KMT5B: variants seen among roughly 807,000 people sequenced by gnomAD.
KMT5B encodes the protein histone-lysine N-methyltransferase KMT5B.
A neutral mutation model predicts 83.2 loss-of-function variants in KMT5B; 10 were observed. That is an observed-to-expected ratio of 0.12 (90% CI 0.07 to 0.20). The LOEUF is 0.20. Ranked by LOEUF, KMT5B falls within the 10% of genes least tolerant of loss-of-function variation. KMT5B has a pLI of 1.00. For synonymous variants in KMT5B, 349 were observed against 388.8 expected (o/e 0.90, Z 1.20); for missense variants, 753 against 1,067.2 (o/e 0.71, Z 4.10).
chr11:68,190,222 G>A (rs897707537), intron 1 of KMT5B, 70 bp from the exon 2 acceptor site: 44 of 688,916 alleles, frequency 6.4e-5, no homozygotes, highest in Admixed American at 5.0e-4. Context: ...ATGCTAAACA[G>A]ACCCTTGAGA....
At chr11:68,180,349 G>A (rs189711002) in intron 3 of KMT5B, 149 bp from the exon 4 acceptor site, 89 of 1,024,442 alleles carry the variant, frequency 8.7e-5, no homozygotes, top group Middle Eastern at 3.2e-4. Flanking sequence ...ACAGGTGGGC[G>A]CGGCAGGATA....
At chr11:68,185,182 T>C (rs1278511385) in intron 3 of KMT5B, among the ~76,000 whole-genome samples, 1 of 152,184 alleles carries the variant, frequency 6.6e-6, no homozygotes, top group African/African-American at 2.4e-5. Context: ...TTGTCAGATT[T>C]TTCTTTTCGC....
chr11:68,213,476 CCT>C (rs1861266298), upstream of KMT5B: 1 of 149,328 alleles, frequency 6.7e-6, no homozygotes, highest in Non-Finnish European at 1.5e-5. Flanking sequence ...CGGGGCCTCA[CCT>C]CGCCTCGCGC....
rs766897263 is a variant in KMT5B at position 68,175,178 on chromosome 11, C to T, written c.383G>A (p.Arg128Lys). Residue 128 changes from arginine to lysine, a missense_variant, in exon 5 of 11, where the codon AGG (arginine) becomes AAG (lysine). By Grantham distance (26) the Arg-to-Lys change is conservative. This residue lies in a region of KMT5B where 71 missense variants were observed against 107.0 expected (regional missense o/e 0.66). Transcript: ENST00000304363. Reference sequence around the variant, plus strand: ...TTCTTCCTGCCTTCCTTTAATAGGCCTAAATCTGAAAGAAATCAAAAGAAT... The same window carrying T: ...TTCTTCCTGCCTTCCTTTAATAGGCTTAAATCTGAAAGAAATCAAAAGAAT... The part of the protein sequence containing the change: ...SFSHNNPVRF[R>K]PIKGRQEELK... 1.2e-6 allele frequency: 2 copies of T among 1,609,858 alleles called. No individual in the cohort carries two copies. Among genetic ancestry groups the T allele is most frequent in the South Asian group, 2.2e-5 (2 of 90,704 alleles).
At chr11:68,166,813 G>C (rs1855358405) in intron 10 of KMT5B, 169 bp downstream of exon 10, 1 of 1,441,240 alleles carries the variant, frequency 6.9e-7, no homozygotes, top group South Asian at 1.5e-5. Flanking sequence ...ATGGGATACA[G>C]ACTGTGCCTC....
chr11:68,188,054 T>G (rs1857613646), intron 2 of KMT5B, among the ~76,000 whole-genome samples: 1 of 149,880 alleles, frequency 6.7e-6, no homozygotes, highest in African/African-American at 2.5e-5. Context: ...AGATGGAGTC[T>G]CGCTCTGTCG....
chr11:68,181,052 T>G (rs1168355076), intron 3 of KMT5B, among the ~76,000 whole-genome samples: 2 of 151,722 alleles, frequency 1.3e-5, no homozygotes, highest in Admixed American at 6.6e-5. Context: ...CTCCAATCAT[T>G]AAACATCTAC....
intron 6 of KMT5B, among the ~76,000 whole-genome samples, chr11:68,173,445 T>G (rs1484477435): frequency 1.3e-5 from 2 of 152,184 alleles, no homozygotes; most frequent in Non-Finnish European, 2.9e-5. Flanking sequence ...CCCATAAAAC[T>G]AGGATCATTA....
At chr11:68,186,069 C>A in intron 2 of KMT5B, 141 bp from the exon 3 acceptor site, 1 of 744,878 alleles carries the variant, frequency 1.3e-6, no homozygotes, top group Non-Finnish European at 2.1e-6. Context: ...AATTTAATAA[C>A]CTTTGCATAA....
intron 1 of KMT5B, among the ~76,000 whole-genome samples, chr11:68,209,289 C>G (rs541335581): frequency 1.3e-5 from 2 of 152,280 alleles, no homozygotes; most frequent in Admixed American, 1.3e-4. Flanking sequence ...CCAGAGCTGC[C>G]AGGCACTGTT....
intron 2 of KMT5B, among the ~76,000 whole-genome samples, chr11:68,189,232 T>C (rs1057165713): frequency 1.3e-5 from 2 of 152,258 alleles, no homozygotes; most frequent in African/African-American, 4.8e-5. Context: ...TTTGGACATA[T>C]AGCTGCCTAG....
intron 10 of KMT5B, among the ~76,000 whole-genome samples, chr11:68,162,863 G>GA (rs1301304864): frequency 6.6e-5 from 10 of 151,764 alleles, no homozygotes; most frequent in Non-Finnish European, 1.5e-4. Context: ...CAAATCAAAG[G>GA]AAAAAAAAGA....
At chr11:68,164,698 A>G (rs1340788955) in intron 10 of KMT5B, 2 of 512,262 alleles carry the variant, frequency 3.9e-6, no homozygotes, top group Non-Finnish European at 7.8e-6. Flanking sequence ...GGGAATTTGA[A>G]TAAGCCAAGC....
chr11:68,208,986 A>G (rs1271734502), intron 1 of KMT5B, among the ~76,000 whole-genome samples: 1 of 152,174 alleles, frequency 6.6e-6, no homozygotes, highest in East Asian at 1.9e-4. Flanking sequence ...CCAAGGGGGA[A>G]AGTGAAGGGG....
intron 1 of KMT5B, among the ~76,000 whole-genome samples, chr11:68,196,850 TG>T (rs1396096039): frequency 6.6e-6 from 1 of 152,184 alleles, no homozygotes; most frequent in Non-Finnish European, 1.5e-5. Flanking sequence ...TGGATAATCA[TG>T]GAACAATGTA....
intron 1 of KMT5B, among the ~76,000 whole-genome samples, chr11:68,191,045 G>A (rs1857985855): frequency 6.6e-6 from 1 of 152,090 alleles, no homozygotes; most frequent in South Asian, 2.1e-4. Context: ...GGCCCAGGCT[G>A]GAGTGCAGTG....
At chr11:68,165,848 G>GTTA in intron 10 of KMT5B, 3 of 1,612,672 alleles carry the variant, frequency 1.9e-6, no homozygotes, top group Non-Finnish European at 2.5e-6. Flanking sequence ...TGCTACACGG[G>GTTA]TTATGCTTGG....
intron 3 of KMT5B, among the ~76,000 whole-genome samples, chr11:68,182,706 T>C (rs1435181976): frequency 6.6e-6 from 1 of 151,172 alleles, no homozygotes; most frequent in Non-Finnish European, 1.5e-5. Context: ...CATGAAGTTC[T>C]GTCATAAGCC....
chr11:68,210,031 A>G (rs1475250036), intron 1 of KMT5B, among the ~76,000 whole-genome samples: 4 of 152,092 alleles, frequency 2.6e-5, no homozygotes, highest in Non-Finnish European at 4.4e-5. Flanking sequence ...TATTTTTAGT[A>G]GAGACGGGGT....
Sources: allele counts gnomAD v4.1 joint callset (sites outside exome capture counted in the v4.1 genomes callset), GRCh38; gene constraint gnomAD v4.1.1; regional missense constraint gnomAD v4.1.1; transcripts MANE v1.5; gene names NCBI Gene and HGNC (gene_info 2026-07-23, HGNC 2026-07-21).